ASIC2: variants seen among roughly 807,000 people sequenced by gnomAD.
ASIC2 encodes the protein acid sensing ion channel subunit 2, also known as acid-sensing ion channel 2.
A neutral mutation model predicts 57.3 loss-of-function variants in ASIC2; 25 were observed. The ratio of observed to expected loss-of-function variants is 0.44; its 90% CI spans 0.32 to 0.61. The LOEUF is 0.61. Ranked by LOEUF, ASIC2 falls within the 20% of genes least tolerant of loss-of-function variation. ASIC2 has a pLI of 0.06. For missense variants in ASIC2, 641 were observed against 738.1 expected (o/e 0.87, Z 1.52); for synonymous variants, 319 against 307.5 (o/e 1.04, Z -0.39).
chr17:33,822,434 T>A (rs1912773340), intron 1 of ASIC2, among the ~76,000 whole-genome samples: 1 of 152,182 alleles, frequency 6.6e-6, no homozygotes, highest in African/African-American at 2.4e-5. Context: ...TCCTGAGAAA[T>A]TAGAAACCTA....
At chr17:33,229,032 G>A (rs1411645824) in intron 1 of ASIC2, among the ~76,000 whole-genome samples, 1 of 152,210 alleles carries the variant, frequency 6.6e-6, no homozygotes, top group East Asian at 1.9e-4. Context: ...TCATCCAGAG[G>A]AGGAGCCATT....
intron 1 of ASIC2, among the ~76,000 whole-genome samples, chr17:33,707,479 G>A (rs1908897098): frequency 6.6e-6 from 1 of 151,934 alleles, no homozygotes; most frequent in Non-Finnish European, 1.5e-5. Flanking sequence ...AGATAAATTT[G>A]TCCATTCTAT....
At chr17:33,254,088 A>C (rs993071813) in intron 1 of ASIC2, among the ~76,000 whole-genome samples, 1 of 152,220 alleles carries the variant, frequency 6.6e-6, no homozygotes, top group Non-Finnish European at 1.5e-5. Context: ...TGGTTTCATT[A>C]ACATGCACTC....
chr17:33,504,120 C>A (rs1567633032), intron 1 of ASIC2, among the ~76,000 whole-genome samples: 1 of 152,206 alleles, frequency 6.6e-6, no homozygotes. Flanking sequence ...TAACTGAGCA[C>A]CAAGTTTGAC....
At chr17:33,946,862 T>C (rs1251601765) in intron 1 of ASIC2, among the ~76,000 whole-genome samples, 2 of 152,010 alleles carry the variant, frequency 1.3e-5, no homozygotes, top group South Asian at 2.1e-4. Context: ...TGAACTAAGA[T>C]TGGGGAGCTC....
At chr17:33,926,201 G>A (rs895828073) in intron 1 of ASIC2, among the ~76,000 whole-genome samples, 4 of 152,056 alleles carry the variant, frequency 2.6e-5, no homozygotes, top group South Asian at 2.1e-4. Flanking sequence ...TACAAATGTA[G>A]GTCACCCTAT....
chr17:33,926,286 G>A (rs1365944616), intron 1 of ASIC2, among the ~76,000 whole-genome samples: 2 of 152,144 alleles, frequency 1.3e-5, no homozygotes, highest in African/African-American at 4.8e-5. Context: ...CCTTGCGGAA[G>A]TATTACAGGT....
intron 1 of ASIC2, among the ~76,000 whole-genome samples, chr17:33,558,333 T>C (rs966673254): frequency 6.6e-6 from 1 of 152,230 alleles, no homozygotes. Flanking sequence ...ATGGCATAAA[T>C]ATTCTGGGTT....
intron 3 of ASIC2, among the ~76,000 whole-genome samples, chr17:33,081,471 G>A (rs2092112743): frequency 6.6e-6 from 1 of 152,152 alleles, no homozygotes; most frequent in African/African-American, 2.4e-5. Context: ...CTTTGATGGG[G>A]TGGAAATAGA....
intron 1 of ASIC2, among the ~76,000 whole-genome samples, chr17:33,527,006 G>T (rs571474427): frequency 4.0e-4 from 61 of 152,290 alleles, no homozygotes; most frequent in African/African-American, 6.0e-4. Flanking sequence ...TATATTTCGG[G>T]GGTGATGCTG....
At chr17:33,521,751 A>G (rs1302330067) in intron 1 of ASIC2, among the ~76,000 whole-genome samples, 1 of 152,200 alleles carries the variant, frequency 6.6e-6, no homozygotes, top group Non-Finnish European at 1.5e-5. Context: ...GGAGCCCAGC[A>G]TTCATGCCCC....
intron 1 of ASIC2, among the ~76,000 whole-genome samples, chr17:33,362,851 A>G (rs1404168956): frequency 1.3e-5 from 2 of 152,220 alleles, no homozygotes; most frequent in Admixed American, 1.3e-4. Context: ...GAATGGAGGG[A>G]GGCAGACATG....
chr17:33,138,452 C>A (rs745672307), intron 1 of ASIC2, among the ~76,000 whole-genome samples: 41 of 152,332 alleles, frequency 2.7e-4, no homozygotes, highest in South Asian at 8.3e-4. Flanking sequence ...AATTTAAGAG[C>A]AGGGCATGAA....
At chr17:33,364,810 A>G (rs1908742244) in intron 1 of ASIC2, among the ~76,000 whole-genome samples, 1 of 152,228 alleles carries the variant, frequency 6.6e-6, no homozygotes, top group Non-Finnish European at 1.5e-5. Context: ...AAGTCACGTC[A>G]GTTTCCAGGA....
chr17:33,641,291 CAAACA>C (rs1173970167), intron 1 of ASIC2, among the ~76,000 whole-genome samples: 1 of 152,180 alleles, frequency 6.6e-6, no homozygotes. Context: ...ATTGAAAATG[CAAACA>C]AAACAAAACA....
chr17:34,015,942 AT>A (rs1231339168), intron 1 of ASIC2, among the ~76,000 whole-genome samples: 1 of 152,246 alleles, frequency 6.6e-6, no homozygotes, highest in East Asian at 1.9e-4. Context: ...GGGATAATAC[AT>A]TTTAAGTATA....
At chr17:33,704,866 C>T (rs58742244) in intron 1 of ASIC2, among the ~76,000 whole-genome samples, 8,336 of 152,158 alleles carry the variant, frequency 0.055, 693 homozygotes, top group African/African-American at 0.19. Flanking sequence ...CTAACAGGTA[C>T]GAAGTAGATA....
intron 1 of ASIC2, among the ~76,000 whole-genome samples, chr17:34,045,631 G>T (rs1908306735): frequency 6.6e-6 from 1 of 152,192 alleles, no homozygotes; most frequent in South Asian, 2.1e-4. Context: ...GTCTTCTGCA[G>T]AATGAAGGGA....
chr17:34,071,428 G>A (rs1909395021), intron 1 of ASIC2: 1 of 151,870 alleles, frequency 6.6e-6, no homozygotes. Flanking sequence ...CCTCTAACTG[G>A]TCTCCCTCAT....
Sources: allele counts gnomAD v4.1 joint callset (sites outside exome capture counted in the v4.1 genomes callset), GRCh38; gene constraint gnomAD v4.1.1; transcripts MANE v1.5; gene names NCBI Gene and HGNC (gene_info 2026-07-23, HGNC 2026-07-21).